The following FST variants were observed in gnomAD, a reference collection of about 807,000 sequenced individuals.
FST encodes activin-binding protein.
A neutral mutation model predicts 38.4 loss-of-function variants in FST; 6 were observed. The ratio of observed to expected loss-of-function variants is 0.16; its 90% confidence interval spans 0.09 to 0.31. FST has a LOEUF of 0.31. FST is among the 10% of genes least tolerant of loss of function. The probability of loss-of-function intolerance (pLI) is 1.00; values close to 1 mark genes in which losing one functional copy is unlikely to be tolerated. For synonymous variants in FST, 157 were observed against 169.8 expected (o/e 0.92, Z 0.59); for missense variants, 301 against 432.3 (o/e 0.70, Z 2.69).
chr5:53,482,814 C>G, intron 1 of FST, 66 bp from the exon 2 acceptor site: 2 of 983,488 alleles, frequency 2.0e-6, no homozygotes, highest in South Asian at 1.7e-5. Flanking sequence ...CTAGCCACCT[C>G]GCTCTCCCTG....
chr5:53,482,713 C>T, intron 1 of FST, 167 bp from the exon 2 acceptor site: 1 of 574,892 alleles, frequency 1.7e-6, no homozygotes, highest in Non-Finnish European at 3.2e-6. Context: ...CCCTCCACCC[C>T]TTTCGATTTA....
In FST at chr5:53,486,477, A is replaced by G. The variant is rs1747554871; in HGVS notation, c.*444A>G. The G allele has an allele frequency of 6.6e-6, 1 of 152,554 alleles. No homozygotes were observed. The highest frequency in any genetic ancestry group is 2.4e-5 in the African/African-American group (1 of 41,414). The allele number at this position is 152,554 out of a possible 1,614,324, so 9.5% of individuals were successfully genotyped here. A position where few individuals can be genotyped will look rare whatever the true frequency, so the allele number is the denominator to read the frequency against. On this transcript the variant is annotated 3_prime_UTR_variant, in exon 6 of 6. Transcript: ENST00000256759. ...TCCATTCCTTACTATTCACTCACTC[A>G]TCTGTCTCCCTTCATTTCACTGTTA...
intron 5 of FST, 143 bp downstream of exon 5, chr5:53,485,370 T>A: frequency 1.6e-6 from 1 of 627,250 alleles, no homozygotes; most frequent in Non-Finnish European, 2.8e-6. Context: ...AGCAATTCAA[T>A]AATCCACAGA....
At chr5:53,481,737 T>C (rs1324173800) in intron 1 of FST, among the ~76,000 whole-genome samples, 5 of 152,220 alleles carry the variant, frequency 3.3e-5, no homozygotes, top group African/African-American at 4.8e-5. Flanking sequence ...TAAAGTCATA[T>C]TGGTGATTCA....
In FST at chr5:53,484,170, G is replaced by C. The variant is rs1166710724; in HGVS notation, c.598G>C (p.Ala200Pro). ...VTCNRICPEP[A>P]SSEQYLCGND... Reference sequence around the variant, plus strand: ...CTGTAATCGGATTTGCCCAGAGCCTGCTTCCTCTGAGCAATATCTCTGTGG... The same window carrying C: ...CTGTAATCGGATTTGCCCAGAGCCTCCTTCCTCTGAGCAATATCTCTGTGG... Residue 200 changes from alanine (A) to proline (P), a missense_variant, in exon 4 of 6, where the codon GCT becomes CCT. By Grantham distance (27) the Ala-to-Pro change is conservative. Coordinates refer to ENST00000256759, the MANE Select transcript of FST (RefSeq NM_013409.3). 6.2e-7 allele frequency: 1 copy of C among 1,613,098 alleles called. No homozygotes were observed.
chr5:53,481,462 C>CAAAAAA (rs70983342), intron 1 of FST, among the ~76,000 whole-genome samples: 1,993 of 47,996 alleles, frequency 0.042, 459 homozygotes, highest in African/African-American at 0.13. Flanking sequence ...CCCATTCTCG[C>CAAAAAA]AAAAAAAAAA....
chr5:53,484,099 G>A lies in FST; in HGVS notation c.527G>A (p.Ser176Asn), dbSNP rs542624483. Reference protein sequence around the residue: ...KTCRDVFCPGSSTCVVDQTNN... With the variant: ...KTCRDVFCPGNSTCVVDQTNN... ...TGTCGGGATGTTTTCTGTCCAGGCA[G>A]CTCCACATGTGTGGTGGACCAGACC... The change falls in exon 4 of 6, where the codon AGC becomes AAC. Residue 176 changes from serine to asparagine, a missense_variant. Physicochemically the swap from Ser to Asn is conservative, Grantham distance 46. Transcript: ENST00000256759. The A allele has an allele frequency of 2.0e-4, 330 of 1,612,528 alleles. No homozygotes were observed. In the Middle Eastern group the frequency reaches 7.3e-3, roughly 36 times the overall value.
At chr5:53,485,880 A>G (rs979552341) in intron 5 of FST, 71 bp from the exon 6 acceptor site, 7 of 1,599,802 alleles carry the variant, frequency 4.4e-6, no homozygotes, top group Non-Finnish European at 1.7e-6. Context: ...CTTTGAAAAC[A>G]TACACTGAGC....
chr5:53,486,174 AAAG>A lies in FST; in HGVS notation c.*142_*144del, dbSNP rs1321284497. 9.5e-6 allele frequency: 5 copies of A among 526,396 alleles called. No homozygotes were observed. In the Admixed American group the frequency reaches 1.2e-4, roughly 12 times the overall value. The allele number at this position is 526,396 out of a possible 1,614,324, so 32.6% of individuals were successfully genotyped here. On this transcript the variant is annotated 3_prime_UTR_variant, in exon 6 of 6. Transcript: ENST00000256759. Reference sequence around the variant, plus strand: ...TTATTTGGGGGGAAAACTATACATTAAAGGACCTTTGTCCTAAAGCTCTCTCCC... The same window carrying A: ...TTATTTGGGGGGAAAACTATACATTAGACCTTTGTCCTAAAGCTCTCTCCC...
Position 53,480,797 on chromosome 5 carries a change from C to T in FST, c.6C>T (p.Val2=), listed in dbSNP as rs1467163708. ...GCCCCGCGCCTGCCCCCAGGATGGT[C>T]CGCGCGAGGCACCAGCCGGGTGGGC... M[V]RARHQPGGLC... is the part of the protein sequence containing the mutation. The change falls in exon 1 of 6, where the codon GTC becomes GTT. Residue 2 remains valine (V), a synonymous_variant. Transcript: ENST00000256759. 1 of 1,501,186 alleles carries T rather than the reference C, an allele frequency of 6.7e-7. No individual in the cohort carries two copies. The highest frequency in any genetic ancestry group is 2.1e-5 in the Admixed American group (1 of 46,974). The allele number at this position is 1,501,186 out of a possible 1,614,324, so 93.0% of individuals were successfully genotyped here.
intron 1 of FST, 66 bp from the exon 2 acceptor site, chr5:53,482,814 C>T (rs2112335751): frequency 1.0e-6 from 1 of 983,486 alleles, no homozygotes; most frequent in Non-Finnish European, 1.5e-6. Flanking sequence ...CTAGCCACCT[C>T]GCTCTCCCTG....
intron 4 of FST, 41 bp from the exon 5 acceptor site, chr5:53,484,956 G>C: frequency 1.1e-6 from 1 of 950,888 alleles, no homozygotes; most frequent in Non-Finnish European, 1.7e-6. Flanking sequence ...AGGGGGATAT[G>C]GGGAAATCAG....
rs866217446 is a variant in FST at position 53,483,541 on chromosome 5, A to G, written c.315A>G (p.Lys105=). 1.2e-6 allele frequency: 2 copies of G among 1,614,206 alleles called. No individual in the cohort carries two copies. Among genetic ancestry groups the G allele is most frequent in the Non-Finnish European group, 1.7e-6 (2 of 1,180,018 alleles). ...CENVDCGPGK[K]CRMNKKNKPR... is the part of the protein sequence containing the mutation. ...ACGTGGACTGTGGACCTGGGAAAAA[A>G]TGCCGAATGAACAAGAAGAACAAAC... Residue 105 remains lysine (K), a synonymous_variant, in exon 3 of 6, where the codon AAA becomes AAG. Transcript: ENST00000256759. This position sits in a 1 kb window ranked among gnomAD's most constrained non-coding sequence, Gnocchi z 4.1.
In FST at chr5:53,483,597, A is replaced by G. The variant is rs773017147; in HGVS notation, c.371A>G (p.Asn124Ser). Residue 124 changes from asparagine (N) to serine (S), a missense_variant, in exon 3 of 6, where the codon AAC becomes AGC. Physicochemically the swap from Asn to Ser is conservative, Grantham distance 46. Coordinates refer to ENST00000256759, the MANE Select transcript of FST (RefSeq NM_013409.3). This position sits in a 1 kb window ranked among gnomAD's most constrained non-coding sequence, Gnocchi z 4.1. Reference sequence around the variant, plus strand: ...TGCGTCTGCGCCCCGGATTGTTCCAACATCACCTGGAAGGGTCCAGTCTGC... The same window carrying G: ...TGCGTCTGCGCCCCGGATTGTTCCAGCATCACCTGGAAGGGTCCAGTCTGC... ...PRCVCAPDCSNITWKGPVCGL... is the reference protein window; with the variant it reads ...PRCVCAPDCSSITWKGPVCGL... 1.9e-6 allele frequency: 3 copies of G among 1,614,112 alleles called. No individual in the cohort carries two copies. Among genetic ancestry groups the G allele is most frequent in the Non-Finnish European group, 2.5e-6 (3 of 1,180,028 alleles).
At chr5:53,485,361 G>T in intron 5 of FST, 134 bp downstream of exon 5, 1 of 631,686 alleles carries the variant, frequency 1.6e-6, no homozygotes, top group Non-Finnish European at 2.8e-6. Context: ...AGTATCACCA[G>T]CAATTCAATA....
intron 1 of FST, chr5:53,482,655 C>T (rs977894745): frequency 1.4e-5 from 7 of 498,508 alleles, no homozygotes; most frequent in Non-Finnish European, 2.1e-5. Context: ...TCGCCCACCT[C>T]CCATCTCTGT....
chr5:53,482,400 C>G (rs1747285708), intron 1 of FST, among the ~76,000 whole-genome samples: 1 of 151,464 alleles, frequency 6.6e-6, no homozygotes, highest in Non-Finnish European at 1.5e-5. Context: ...TTTCTTAACC[C>G]CTGTCACAAA....
In FST at chr5:53,486,072, C is replaced by CAAAAAAA. The variant is rs3083659; in HGVS notation, c.*54_*60dup. 3.4e-4 allele frequency: 90 copies of CAAAAAAA among 266,272 alleles called. No homozygotes were observed. Among genetic ancestry groups the CAAAAAAA allele is most frequent in the African/African-American group, 1.0e-3 (22 of 21,626 alleles). The allele number at this position is 266,272 out of a possible 1,614,324, so 16.5% of individuals were successfully genotyped here. A position where few individuals can be genotyped will look rare whatever the true frequency, so the allele number is the denominator to read the frequency against. Reference sequence around the variant, plus strand: ...GTTCAGTGTTGACATAGCCTTTGTGCAAAAAAAAAAAAAAAAAAAAAGAAA... The same window carrying CAAAAAAA: ...GTTCAGTGTTGACATAGCCTTTGTGCAAAAAAAAAAAAAAAAAAAAAAAAAAAAGAAA... On this transcript the variant is annotated 3_prime_UTR_variant, in exon 6 of 6. Transcript: ENST00000256759.
In FST at chr5:53,485,295, T is replaced by TA. The variant is rs1747483927; in HGVS notation, c.952+69dup. Reference sequence around the variant, plus strand: ...AGGCAATCCCTAGGGAATGGACACTTACAAAGCACGCAGATCTCCCATAAA... The same window carrying TA: ...AGGCAATCCCTAGGGAATGGACACTTAACAAAGCACGCAGATCTCCCATAAA... On this transcript the variant is annotated intron_variant, in intron 5 of 5. Coordinates refer to ENST00000256759, the MANE Select transcript of FST (RefSeq NM_013409.3). 1.8e-5 allele frequency: 15 copies of TA among 819,600 alleles called. No individual in the cohort carries two copies. In the South Asian group the frequency reaches 2.1e-4, roughly 11 times the overall value. The allele number at this position is 819,600 out of a possible 1,614,324, so 50.8% of individuals were successfully genotyped here.
Sources: allele counts gnomAD v4.1 joint callset (sites outside exome capture counted in the v4.1 genomes callset), GRCh38; gene constraint gnomAD v4.1.1; non-coding constraint Gnocchi (gnomAD v3.1); transcripts MANE v1.5; gene names NCBI Gene and HGNC (gene_info 2026-07-23, HGNC 2026-07-21).